Variants in FUT8 observed in about 807,000 individuals in gnomAD.
FUT8 encodes alpha-(1,6)-fucosyltransferase.
FUT8 carries 29 observed loss-of-function variants against 71.3 expected under a neutral mutation model. The observed-to-expected ratio is 0.41, with a 90% CI of 0.30 to 0.55. The LOEUF (loss-of-function observed/expected upper bound fraction) is 0.55, where lower values mean the gene tolerates loss of function less well. Ranked by LOEUF, FUT8 falls within the 20% of genes least tolerant of loss-of-function variation. The probability of loss-of-function intolerance (pLI) is 0.34; values close to 1 mark genes in which losing one functional copy is unlikely to be tolerated. For synonymous variants in FUT8, 254 were observed against 239.3 expected (o/e 1.06, Z -0.57); for missense variants, 544 against 702.1 (o/e 0.77, Z 2.55).
intron 1 of FUT8, among the ~76,000 whole-genome samples, chr14:65,418,522 A>T (rs1445548923): frequency 1.3e-5 from 2 of 152,244 alleles, no homozygotes; most frequent in Admixed American, 1.3e-4. Context: ...CATTTTTACA[A>T]TTAATACAAT....
rs77880869 is a variant in FUT8, at chr14:65,459,528, A to C, written c.-228+3810A>C. On this transcript the variant is annotated intron_variant, in intron 2 of 10. Coordinates refer to ENST00000673929, the MANE Select transcript of FUT8 (RefSeq NM_001371533.1). ...ATAAACAAAAACTGAGTTTTTGTAA[A>C]TAATATTAAATTGAGTAATTTAACT... 6.1e-3 allele frequency among the ~76,000 whole-genome samples: 936 copies of C among 152,344 alleles called. 39 individuals carry two copies. The East Asian group carries it at 0.1, about 17-fold the overall frequency.
At chr14:65,633,445 T>A (rs1594840609) in intron 6 of FUT8, among the ~76,000 whole-genome samples, 1 of 151,906 alleles carries the variant, frequency 6.6e-6, no homozygotes, top group East Asian at 1.9e-4. Context: ...CGCCACCCCG[T>A]CTGGGATGTG....
chr14:65,734,691 G>C (rs1429007375), intron 10 of FUT8, among the ~76,000 whole-genome samples: 4 of 152,126 alleles, frequency 2.6e-5, no homozygotes, highest in African/African-American at 9.7e-5. Context: ...GCATCTGCCT[G>C]ATCAACAGGT....
At chr14:65,598,945 C>G (rs1332520695) in intron 3 of FUT8, among the ~76,000 whole-genome samples, 1 of 152,058 alleles carries the variant, frequency 6.6e-6, no homozygotes, top group Non-Finnish European at 1.5e-5. Flanking sequence ...CATGCACCAC[C>G]ACGCCTGGCT....
intron 2 of FUT8, among the ~76,000 whole-genome samples, chr14:65,475,705 C>G (rs1054966845): frequency 6.6e-6 from 1 of 151,924 alleles, no homozygotes; most frequent in Non-Finnish European, 1.5e-5. Context: ...TGAGGCTGAG[C>G]TCTACCATAT....
At chr14:65,595,027 A>G (rs1193620364) in intron 3 of FUT8, among the ~76,000 whole-genome samples, 2 of 151,928 alleles carry the variant, frequency 1.3e-5, no homozygotes, top group African/African-American at 2.4e-5. Flanking sequence ...AGACTTTTCC[A>G]CTCGAAGTTG....
chr14:65,626,840 A>C (rs953862174), intron 5 of FUT8, among the ~76,000 whole-genome samples: 1 of 152,228 alleles, frequency 6.6e-6, no homozygotes, highest in African/African-American at 2.4e-5. Context: ...TTCTGACTTT[A>C]TAATTTTCAT....
At chr14:65,694,775 C>T (rs1893898161) in intron 7 of FUT8, among the ~76,000 whole-genome samples, 1 of 151,278 alleles carries the variant, frequency 6.6e-6, no homozygotes, top group South Asian at 2.1e-4. Flanking sequence ...TCATCATTCT[C>T]AGTAAACTAT....
At chr14:65,391,442 GC>G in the FUT8 span, among the ~76,000 whole-genome samples, 1 of 152,054 alleles carries the variant, frequency 6.6e-6, no homozygotes, top group African/African-American at 2.4e-5. Context: ...TGAAACCTCT[GC>G]CCCCCAGGTT....
intron 9 of FUT8, among the ~76,000 whole-genome samples, chr14:65,730,655 G>A (rs1895935306): frequency 6.6e-6 from 1 of 152,070 alleles, no homozygotes; most frequent in Non-Finnish European, 1.5e-5. Flanking sequence ...CTGGGCGACA[G>A]AGCGAGACTC....
At chr14:65,712,049 G>A (rs7143525) in intron 7 of FUT8, among the ~76,000 whole-genome samples, 4 of 152,104 alleles carry the variant, frequency 2.6e-5, no homozygotes, top group African/African-American at 7.2e-5. Context: ...ATGGTACAGT[G>A]ATTTTTATTC....
intron 3 of FUT8, among the ~76,000 whole-genome samples, chr14:65,575,808 C>T (rs564749460): frequency 3.3e-5 from 5 of 152,060 alleles, no homozygotes; most frequent in South Asian, 4.2e-4. Context: ...TTAGTAAAGA[C>T]GGGTTTTTGC....
At chr14:65,598,566 A>T (rs912382697) in intron 3 of FUT8, among the ~76,000 whole-genome samples, 2 of 151,990 alleles carry the variant, frequency 1.3e-5, no homozygotes, top group African/African-American at 2.4e-5. Flanking sequence ...GTTTGGCTCT[A>T]TTTACTATGT....
intron 7 of FUT8, among the ~76,000 whole-genome samples, chr14:65,680,442 G>A (rs1337954837): frequency 2.6e-5 from 4 of 152,120 alleles, no homozygotes; most frequent in Non-Finnish European, 5.9e-5. Context: ...AGCCTTATCT[G>A]TTGAAAACTT....
intron 1 of FUT8, among the ~76,000 whole-genome samples, chr14:65,429,345 A>T (rs1375967151): frequency 6.6e-6 from 1 of 152,196 alleles, no homozygotes; most frequent in Non-Finnish European, 1.5e-5. Context: ...TAACCCACAG[A>T]GCAGACACTG....
intron 2 of FUT8, among the ~76,000 whole-genome samples, chr14:65,491,791 G>C (rs1180032783): frequency 6.6e-6 from 1 of 152,074 alleles, no homozygotes; most frequent in African/African-American, 2.4e-5. Context: ...AGTAAGATAG[G>C]AAAAGTGAAA....
chr14:65,705,826 T>C (rs1894529111), intron 7 of FUT8, among the ~76,000 whole-genome samples: 3 of 152,342 alleles, frequency 2.0e-5, no homozygotes, highest in South Asian at 4.2e-4. Context: ...TTGAATATTT[T>C]GAAAAGGTAA....
the FUT8 span, among the ~76,000 whole-genome samples, chr14:65,383,275 T>C: frequency 1.9e-4 from 19 of 99,024 alleles, no homozygotes; most frequent in South Asian, 3.9e-4. Context: ...CTTTTTTTTT[T>C]TTTTTTTTTT....
In FUT8 at chr14:65,579,377, C is replaced by T. The variant is rs571462952; in HGVS notation, c.203+17611C>T. On this transcript the variant is annotated intron_variant, in intron 3 of 10. Transcript: ENST00000673929. ...GCATTTGTTTTGTGTGATCAGAGAT[C>T]CCCATGTAACAGTATTGAAAATGGC... is the stretch of plus-strand genomic sequence containing the variant. Among the ~76,000 whole-genome samples the T allele has an allele frequency of 4.6e-5, 7 of 152,172 alleles. No individual in the cohort carries two copies. The South Asian group carries it at 1.5e-3, about 32-fold the overall frequency.
Sources: allele counts gnomAD v4.1 joint callset (sites outside exome capture counted in the v4.1 genomes callset), GRCh38; gene constraint gnomAD v4.1.1; transcripts MANE v1.5; gene names NCBI Gene and HGNC (gene_info 2026-07-23, HGNC 2026-07-21).